The following PDZD2 variants were observed in gnomAD, a reference collection of about 807,000 sequenced individuals.
PDZD2 encodes PDZ domain containing 2.
A neutral mutation model predicts 220.7 loss-of-function variants in PDZD2; 90 were observed. The observed-to-expected ratio is 0.41, with a 90% confidence interval of 0.34 to 0.49. The LOEUF is 0.49. PDZD2 is among the 20% of genes least tolerant of loss of function. The pLI is 0.28. For missense variants in PDZD2, 3,174 were observed against 3,608.5 expected, an observed-to-expected ratio of 0.88 and a Z score of 3.08; for synonymous variants, 1,375 against 1,450.5, an observed-to-expected ratio of 0.95 and a Z score of 1.18.
chr5:31,701,816 G>T (rs1410995776), intron 1 of PDZD2, among the ~76,000 whole-genome samples: 1 of 152,222 alleles, frequency 6.6e-6, no homozygotes, highest in Admixed American at 6.5e-5. Context: ...CACGAGAATA[G>T]TTTCCAGTCC....
At chr5:31,753,782 TG>T (rs1341010939) in intron 1 of PDZD2, among the ~76,000 whole-genome samples, 1 of 152,216 alleles carries the variant, frequency 6.6e-6, no homozygotes, top group Non-Finnish European at 1.5e-5. Context: ...GCAGCATCAC[TG>T]GGAAAGCCCT....
At chr5:31,978,476 T>C (rs1749979276) in intron 2 of PDZD2, among the ~76,000 whole-genome samples, 1 of 152,086 alleles carries the variant, frequency 6.6e-6, no homozygotes, top group African/African-American at 2.4e-5. Flanking sequence ...TCCTAGAACT[T>C]TGGGAGGCCG....
intron 1 of PDZD2, among the ~76,000 whole-genome samples, chr5:31,660,510 A>C (rs1370041765): frequency 6.6e-6 from 1 of 152,148 alleles, no homozygotes; most frequent in African/African-American, 2.4e-5. Flanking sequence ...CAGAAGGGGA[A>C]GCAAACATGT....
chr5:31,827,707 A>AG, intron 2 of PDZD2, among the ~76,000 whole-genome samples: 3 of 90,210 alleles, frequency 3.3e-5, no homozygotes, highest in Non-Finnish European at 4.6e-5. Flanking sequence ...AAATAAATAA[A>AG]TAAAAAAATA....
At chr5:31,827,915 G>A (rs2150264477) in intron 2 of PDZD2, among the ~76,000 whole-genome samples, 1 of 152,160 alleles carries the variant, frequency 6.6e-6, no homozygotes, top group South Asian at 2.1e-4. Context: ...CAAGCCCCTG[G>A]AAACCTACTT....
intron 2 of PDZD2, among the ~76,000 whole-genome samples, chr5:31,920,401 C>A (rs111684143): frequency 2.6e-4 from 36 of 139,300 alleles, no homozygotes; most frequent in African/African-American, 2.4e-4. Context: ...CCCCCCCCCC[C>A]CACTGGGGTG....
chr5:31,758,741 C>A (rs1247165074), intron 1 of PDZD2, among the ~76,000 whole-genome samples: 3 of 152,188 alleles, frequency 2.0e-5, no homozygotes, highest in African/African-American at 7.2e-5. Context: ...CCCCTTCCAT[C>A]TTCATTCTCC....
chr5:31,656,856 G>A (rs749983539), intron 1 of PDZD2, among the ~76,000 whole-genome samples: 6 of 152,110 alleles, frequency 3.9e-5, no homozygotes, highest in Admixed American at 1.3e-4. Flanking sequence ...TGCTTTATAG[G>A]GCCCCTCTCT....
At position 32,090,046 on chromosome 5, in the gene PDZD2, A is replaced by G; in HGVS notation, c.6598A>G (p.Asn2200Asp). ...LMSDSRGVPR[N>D]SIPGGPSGED... ...GTCAGACTCCCGAGGGGTGCCCAGAAACAGCATTCCAGGGGGCCCCTCGGG... is the reference window on the plus strand; with the variant it reads ...GTCAGACTCCCGAGGGGTGCCCAGAGACAGCATTCCAGGGGGCCCCTCGGG... Residue 2200 changes from asparagine (N) to aspartate (D), a missense_variant, in exon 20 of 25, where the codon AAC (asparagine) becomes GAC (aspartate). This residue lies in a region of PDZD2 where 1,861 missense variants were observed against 2,001.0 expected (regional missense o/e 0.93). Coordinates refer to ENST00000438447, the MANE Select transcript of PDZD2 (RefSeq NM_178140.4). This position sits in a 1 kb window ranked among gnomAD's most constrained non-coding sequence, Gnocchi z 4.3. The G allele has an allele frequency of 6.2e-7, 1 of 1,613,100 alleles. No homozygotes were observed. The highest frequency in any genetic ancestry group is 8.5e-7 in the Non-Finnish European group (1 of 1,179,664).
At chr5:31,869,709 C>T (rs114808477) in intron 2 of PDZD2, among the ~76,000 whole-genome samples, 245 of 152,312 alleles carry the variant, frequency 1.6e-3, no homozygotes, top group African/African-American at 5.4e-3. Flanking sequence ...CAAGGTATTA[C>T]GCCTTTCTTC....
At chr5:31,899,690 C>T (rs1286147258) in intron 2 of PDZD2, among the ~76,000 whole-genome samples, 2 of 152,184 alleles carry the variant, frequency 1.3e-5, no homozygotes, top group East Asian at 3.8e-4. Flanking sequence ...TCCTAACCCT[C>T]AAGGTGGTGG....
chr5:31,673,570 A>C (rs1421088554), intron 1 of PDZD2, among the ~76,000 whole-genome samples: 1 of 152,158 alleles, frequency 6.6e-6, no homozygotes, highest in Non-Finnish European at 1.5e-5. Context: ...CCAACTTTAT[A>C]TGTTGGAACC....
At chr5:32,075,432 G>T (rs1300921885) in intron 18 of PDZD2, among the ~76,000 whole-genome samples, 1 of 152,168 alleles carries the variant, frequency 6.6e-6, no homozygotes, top group Non-Finnish European at 1.5e-5. Context: ...ATAAGGTTAT[G>T]AGTGATCCTT....
At chr5:31,855,677 C>G (rs1265181347) in intron 2 of PDZD2, among the ~76,000 whole-genome samples, 1 of 152,230 alleles carries the variant, frequency 6.6e-6, no homozygotes, top group Non-Finnish European at 1.5e-5. Flanking sequence ...TGGATGATTT[C>G]ACAAGAAGTC....
chr5:31,841,356 T>C (rs913435948), intron 2 of PDZD2, among the ~76,000 whole-genome samples: 5 of 152,162 alleles, frequency 3.3e-5, no homozygotes, highest in African/African-American at 1.2e-4. Flanking sequence ...TAAGCCAGGC[T>C]TTCCCTAACT....
At chr5:31,848,492 T>C (rs1057494686) in intron 2 of PDZD2, among the ~76,000 whole-genome samples, 1 of 152,244 alleles carries the variant, frequency 6.6e-6, no homozygotes, top group Non-Finnish European at 1.5e-5. Flanking sequence ...CTCACGCCTG[T>C]AATCCCAGCA....
intron 2 of PDZD2, among the ~76,000 whole-genome samples, chr5:31,977,146 C>T (rs2111828857): frequency 6.6e-6 from 1 of 152,098 alleles, no homozygotes; most frequent in Middle Eastern, 3.4e-3. Flanking sequence ...GTGTCAGCCA[C>T]AGCGTCTGGC....
chr5:31,791,692 A>C (rs985061779), intron 1 of PDZD2, among the ~76,000 whole-genome samples: 2 of 152,024 alleles, frequency 1.3e-5, no homozygotes, highest in Non-Finnish European at 2.9e-5. Context: ...CTCAGTCAAC[A>C]TGTAAATGAC....
chr5:32,105,064 G>T (rs923709381), intron 24 of PDZD2, among the ~76,000 whole-genome samples: 1 of 152,006 alleles, frequency 6.6e-6, no homozygotes, highest in Non-Finnish European at 1.5e-5. Flanking sequence ...AGCCCAGGAG[G>T]TCGAGGCTGT....
Sources: gnomAD v4.1 joint callset for allele counts (sites outside exome capture counted in the v4.1 genomes callset) on GRCh38, gnomAD v4.1.1 for gene constraint, gnomAD v4.1.1 regional missense constraint, Gnocchi (gnomAD v3.1) non-coding constraint, MANE v1.5 for transcripts, NCBI Gene and HGNC (gene_info 2026-07-23, HGNC 2026-07-21) for gene names.